ZMAT4: variants seen among roughly 807,000 people sequenced by gnomAD.
ZMAT4 encodes the protein zinc finger matrin-type 4.
A neutral mutation model predicts 28.7 loss-of-function variants in ZMAT4; 17 were observed. That is an observed-to-expected ratio of 0.59 (90% CI 0.41 to 0.89). The LOEUF (loss-of-function observed/expected upper bound fraction) is 0.89. Among genes scored for constraint, ZMAT4 ranks in the 40% least tolerant of loss-of-function variants. The probability of loss-of-function intolerance (pLI) is 0.00; values close to 1 mark genes in which losing one functional copy is unlikely to be tolerated. For synonymous variants in ZMAT4, 117 were observed against 109.2 expected (o/e 1.07, Z -0.44); for missense variants, 240 against 283.8 (o/e 0.85, Z 1.11).
At chr8:40,777,424 G>C (rs545695663) in intron 2 of ZMAT4, among the ~76,000 whole-genome samples, 2 of 152,264 alleles carry the variant, frequency 1.3e-5, no homozygotes, top group South Asian at 2.1e-4. Context: ...GTTGCAATTC[G>C]ATCTGGTGGG....
At chr8:40,648,443 T>G (rs1476695859) in intron 5 of ZMAT4, among the ~76,000 whole-genome samples, 22 of 151,120 alleles carry the variant, frequency 1.5e-4, no homozygotes, top group African/African-American at 4.9e-4. Context: ...CAAATCTACG[T>G]CTGATTGGTG....
At chr8:40,627,958 G>A (rs1053028746) in intron 5 of ZMAT4, among the ~76,000 whole-genome samples, 4 of 152,192 alleles carry the variant, frequency 2.6e-5, no homozygotes, top group African/African-American at 9.7e-5. Flanking sequence ...TGCTGCAAGG[G>A]AATGTGGTGG....
intron 5 of ZMAT4, among the ~76,000 whole-genome samples, chr8:40,623,496 G>T (rs978517354): frequency 6.6e-6 from 1 of 152,232 alleles, no homozygotes; most frequent in Non-Finnish European, 1.5e-5. Context: ...TTACTCACAA[G>T]AGAAGCCAAG....
At chr8:40,892,927 C>T (rs1454835583) in intron 1 of ZMAT4, among the ~76,000 whole-genome samples, 2 of 152,202 alleles carry the variant, frequency 1.3e-5, no homozygotes, top group Non-Finnish European at 2.9e-5. Flanking sequence ...TGGCTCCTGC[C>T]TCAGCTAAAA....
chr8:40,680,786 G>C (rs1809132000), intron 4 of ZMAT4, among the ~76,000 whole-genome samples: 1 of 150,614 alleles, frequency 6.6e-6, no homozygotes, highest in African/African-American at 2.5e-5. Context: ...CCAAGCCCCT[G>C]GCTCTTTATT....
chr8:40,767,607 C>A lies in ZMAT4; in HGVS notation c.192+34G>T, dbSNP rs532296675. The stretch of plus-strand genomic sequence containing the variant: ...AAAGTTCTCAGTACACAGAACAAAT[C>A]ATCTGAGGATATCACGTGGTACCAG... On this transcript the variant is annotated intron_variant, in intron 3 of 6. Coordinates refer to ENST00000297737, the MANE Select transcript of ZMAT4 (RefSeq NM_024645.3). The A allele has an allele frequency of 3.8e-6, 6 of 1,578,232 alleles. No individual in the cohort carries two copies. In the East Asian group the frequency reaches 1.1e-4, roughly 29 times the overall value.
At chr8:40,614,970 G>T (rs1400449455) in intron 5 of ZMAT4, among the ~76,000 whole-genome samples, 1 of 152,164 alleles carries the variant, frequency 6.6e-6, no homozygotes. Context: ...CTGTCATTAT[G>T]ATGTTAGACG....
intron 2 of ZMAT4, among the ~76,000 whole-genome samples, chr8:40,772,312 G>A (rs946875205): frequency 5.3e-5 from 8 of 152,148 alleles, no homozygotes; most frequent in African/African-American, 1.9e-4. Flanking sequence ...GGCACTCAAG[G>A]AAATAGTCTA....
chr8:40,580,273 A>C (rs1804416624), intron 6 of ZMAT4, among the ~76,000 whole-genome samples: 1 of 151,942 alleles, frequency 6.6e-6, no homozygotes, highest in African/African-American at 2.4e-5. Context: ...CAGCCTCCCA[A>C]AATGCTGGGA....
At chr8:40,869,840 C>T (rs939633381) in intron 1 of ZMAT4, among the ~76,000 whole-genome samples, 8 of 152,202 alleles carry the variant, frequency 5.3e-5, no homozygotes, top group African/African-American at 1.9e-4. Flanking sequence ...GGGCACCGAT[C>T]CGCCTTCTCT....
At chr8:40,616,693 A>T (rs1806018825) in intron 5 of ZMAT4, among the ~76,000 whole-genome samples, 1 of 152,040 alleles carries the variant, frequency 6.6e-6, no homozygotes, top group African/African-American at 2.4e-5. Flanking sequence ...CAATGAGAAC[A>T]CTTGGACACA....
chr8:40,676,219 A>G (rs180752069), intron 4 of ZMAT4, among the ~76,000 whole-genome samples: 3 of 152,286 alleles, frequency 2.0e-5, no homozygotes, highest in South Asian at 2.1e-4. Context: ...CCCAAAGCCA[A>G]TGTTCCCTTC....
intron 5 of ZMAT4, among the ~76,000 whole-genome samples, chr8:40,651,635 A>T (rs1185913414): frequency 1.3e-5 from 2 of 150,720 alleles, no homozygotes; most frequent in African/African-American, 4.9e-5. Context: ...TCCTAAGCCA[A>T]AAGAACAAAG....
chr8:40,700,622 AC>A (rs1178005376), intron 3 of ZMAT4, among the ~76,000 whole-genome samples: 4 of 151,272 alleles, frequency 2.6e-5, no homozygotes, highest in African/African-American at 7.3e-5. Flanking sequence ...AATGTCTACA[AC>A]CTGTTTTCCG....
intron 3 of ZMAT4, among the ~76,000 whole-genome samples, chr8:40,702,767 A>T (rs1810200858): frequency 6.6e-6 from 1 of 152,182 alleles, no homozygotes; most frequent in Non-Finnish European, 1.5e-5. Context: ...TCACTCAGGC[A>T]TGCGTCATAG....
intron 6 of ZMAT4, among the ~76,000 whole-genome samples, chr8:40,570,178 C>T (rs570784975): frequency 6.6e-6 from 1 of 152,230 alleles, no homozygotes; most frequent in African/African-American, 2.4e-5. Context: ...CTAGAATAGA[C>T]AAGACTAGAC....
In ZMAT4 at chr8:40,783,741, T is replaced by G. The variant is rs911700603; in HGVS notation, c.103-16011A>C. On this transcript the variant is annotated intron_variant, in intron 2 of 6. Transcript: ENST00000297737. ...TTAAAGAAATTGAGGCCAGGCACAG[T>G]GGCTCACGCTTGTAATCCCAGCACT... Among the ~76,000 whole-genome samples the G allele has an allele frequency of 2.6e-5, 4 of 152,084 alleles. 1 individual carries two copies. Among genetic ancestry groups the G allele is most frequent in the Non-Finnish European group, 5.9e-5 (4 of 68,020 alleles).
At chr8:40,564,730 A>G (rs767719320) in intron 6 of ZMAT4, among the ~76,000 whole-genome samples, 37 of 152,172 alleles carry the variant, frequency 2.4e-4, no homozygotes, top group Non-Finnish European at 8.8e-5. Flanking sequence ...GATATTCATG[A>G]TATTCATTGA....
intron 4 of ZMAT4, among the ~76,000 whole-genome samples, chr8:40,681,364 A>G (rs559820145): frequency 6.6e-6 from 1 of 152,370 alleles, no homozygotes; most frequent in East Asian, 1.9e-4. Context: ...TCCAGTCCCT[A>G]TGATAAACTG....
Sources: gnomAD v4.1 joint callset for allele counts (sites outside exome capture counted in the v4.1 genomes callset) on GRCh38, gnomAD v4.1.1 for gene constraint, MANE v1.5 for transcripts, NCBI Gene and HGNC (gene_info 2026-07-23, HGNC 2026-07-21) for gene names.